SLCO3A1: variants seen among roughly 807,000 people sequenced by gnomAD.
SLCO3A1 encodes the protein solute carrier organic anion transporter family member 3A1.
SLCO3A1 carries 27 observed loss-of-function variants against 63.1 expected under a neutral mutation model. The ratio of observed to expected loss-of-function variants is 0.43; its 90% CI spans 0.32 to 0.59. SLCO3A1 has a LOEUF of 0.59. Among genes scored for constraint, SLCO3A1 ranks in the 20% least tolerant of loss-of-function variants. The probability of loss-of-function intolerance (pLI) is 0.09; values close to 1 mark genes in which losing one functional copy is unlikely to be tolerated. For missense variants in SLCO3A1, 773 were observed against 945.8 expected, an observed-to-expected ratio of 0.82 and a Z score of 2.40; for synonymous variants, 473 against 409.9, an observed-to-expected ratio of 1.15 and a Z score of -1.86.
At chr15:92,136,699 G>A (rs1489135054) in intron 7 of SLCO3A1, among the ~76,000 whole-genome samples, 1 of 152,156 alleles carries the variant, frequency 6.6e-6, no homozygotes, top group Non-Finnish European at 1.5e-5. Context: ...AGTATAAAAA[G>A]GAGGATATGA....
intron 1 of SLCO3A1, among the ~76,000 whole-genome samples, chr15:91,915,489 T>G (rs1271069825): frequency 6.6e-6 from 1 of 152,204 alleles, no homozygotes; most frequent in Non-Finnish European, 1.5e-5. Context: ...TTGTGCATTT[T>G]GCCACTTGGG....
intron 2 of SLCO3A1, among the ~76,000 whole-genome samples, chr15:91,971,393 T>TAAAAAAAAAAAAAAAAAAAAA (rs1900858430): frequency 5.4e-4 from 1 of 1,858 alleles, no homozygotes; most frequent in African/African-American, 1.7e-3. Context: ...AGACTCCATC[T>TAAAAAAAAAAAAAAAAAAAAA]CAAAAAAAAA....
At chr15:92,012,176 A>C (rs2046376625) in intron 2 of SLCO3A1, among the ~76,000 whole-genome samples, 1 of 152,214 alleles carries the variant, frequency 6.6e-6, no homozygotes, top group Non-Finnish European at 1.5e-5. Context: ...GCATGAGTGC[A>C]TCTTCTGCTG....
chr15:91,881,785 C>G (rs547196803), intron 1 of SLCO3A1, among the ~76,000 whole-genome samples: 3 of 152,296 alleles, frequency 2.0e-5, no homozygotes, highest in African/African-American at 7.2e-5. Flanking sequence ...CGAACACATA[C>G]TCCCCTGGCC....
intron 2 of SLCO3A1, among the ~76,000 whole-genome samples, chr15:91,961,580 C>T (rs1339786349): frequency 6.6e-6 from 1 of 152,160 alleles, no homozygotes; most frequent in East Asian, 1.9e-4. Context: ...TGTATTTTCC[C>T]CTACAGTGTA....
chr15:92,162,726 A>G (rs1191903383), intron 9 of SLCO3A1, 30 bp from the exon 10 acceptor site: 3 of 1,586,370 alleles, frequency 1.9e-6, no homozygotes, highest in African/African-American at 2.7e-5. Flanking sequence ...CACCAGATCC[A>G]GAACCTTAAC....
rs557133600 is a variant in SLCO3A1, at chr15:91,910,387, A to G, written c.181-5606A>G. On this transcript the variant is annotated intron_variant, in intron 1 of 9. Coordinates refer to ENST00000318445, the MANE Select transcript of SLCO3A1 (RefSeq NM_013272.4). ...TGTCCCCAGACTGTAAACTCCTACA[A>G]GGCAGCATGCTCTCTTAATCATGGT... 8.5e-5 allele frequency among the ~76,000 whole-genome samples: 13 copies of G among 152,318 alleles called. No homozygotes were observed. In the South Asian group the frequency reaches 2.5e-3, roughly 29 times the overall value.
At chr15:91,985,896 C>T (rs1384723409) in intron 2 of SLCO3A1, among the ~76,000 whole-genome samples, 1 of 152,164 alleles carries the variant, frequency 6.6e-6, no homozygotes, top group Non-Finnish European at 1.5e-5. Flanking sequence ...GCTTCCTAGT[C>T]TACGTGTAGG....
intron 9 of SLCO3A1, chr15:92,161,609 G>C (rs2048437706): frequency 6.6e-6 from 1 of 152,180 alleles, no homozygotes; most frequent in African/African-American, 2.4e-5. Flanking sequence ...TATATATGCA[G>C]ATATTTTCCA....
At chr15:92,108,853 C>T (rs1273703869) in intron 4 of SLCO3A1, among the ~76,000 whole-genome samples, 1 of 152,100 alleles carries the variant, frequency 6.6e-6, no homozygotes, top group African/African-American at 2.4e-5. Context: ...GTACCTGCCC[C>T]TGTGTACCCG....
intron 1 of SLCO3A1, among the ~76,000 whole-genome samples, chr15:91,913,550 G>T (rs1341816226): frequency 6.6e-6 from 1 of 152,176 alleles, no homozygotes; most frequent in African/African-American, 2.4e-5. Flanking sequence ...GTTTAAATAT[G>T]TGGGTTTGAA....
At chr15:91,975,034 T>G (rs1006651180) in intron 2 of SLCO3A1, among the ~76,000 whole-genome samples, 2 of 152,164 alleles carry the variant, frequency 1.3e-5, no homozygotes, top group African/African-American at 4.8e-5. Context: ...ATGAGTAGAA[T>G]AAGTGTTCCT....
intron 2 of SLCO3A1, among the ~76,000 whole-genome samples, chr15:92,046,587 C>G (rs1438160412): frequency 6.6e-6 from 1 of 152,040 alleles, no homozygotes; most frequent in Non-Finnish European, 1.5e-5. Flanking sequence ...GCACATGTGT[C>G]AGAATCTGTA....
intron 4 of SLCO3A1, among the ~76,000 whole-genome samples, chr15:92,109,421 A>G (rs2047702929): frequency 6.6e-6 from 1 of 152,228 alleles, no homozygotes; most frequent in South Asian, 2.1e-4. Flanking sequence ...CCCTAAAAAG[A>G]TGGGTCTTCC....
At chr15:92,003,700 A>C (rs1488769307) in intron 2 of SLCO3A1, among the ~76,000 whole-genome samples, 1 of 152,174 alleles carries the variant, frequency 6.6e-6, no homozygotes, top group Non-Finnish European at 1.5e-5. Context: ...GGCTTTCGTG[A>C]GTGATACAGT....
intron 2 of SLCO3A1, among the ~76,000 whole-genome samples, chr15:92,069,096 G>GCCCCCCCCCCCCC (rs56003783): frequency 8.6e-6 from 1 of 115,740 alleles, no homozygotes; most frequent in African/African-American, 3.4e-5. Context: ...GGCTCCCCCC[G>GCCCCCCCCCCCCC]CCCCCCCCCC....
intron 1 of SLCO3A1, chr15:91,908,773 A>G (rs1469519285): frequency 7.0e-6 from 1 of 143,426 alleles, no homozygotes; most frequent in Non-Finnish European, 1.6e-5. Flanking sequence ...AAAAAAAAAA[A>G]AACTTGGCCG....
chr15:92,157,492 A>AT (rs201261449), intron 9 of SLCO3A1, among the ~76,000 whole-genome samples: 9,862 of 141,318 alleles, frequency 0.07, 361 homozygotes, highest in Non-Finnish European at 0.086. Flanking sequence ...ATGTGGAGAA[A>AT]TTTTTTTTTT....
intron 2 of SLCO3A1, among the ~76,000 whole-genome samples, chr15:91,986,739 G>A (rs1202028205): frequency 1.3e-5 from 2 of 152,132 alleles, no homozygotes; most frequent in African/African-American, 4.8e-5. Context: ...GTTAATTTGG[G>A]TTTGTACTCT....
Sources: allele counts gnomAD v4.1 joint callset (sites outside exome capture counted in the v4.1 genomes callset), GRCh38; gene constraint gnomAD v4.1.1; transcripts MANE v1.5; gene names NCBI Gene and HGNC (gene_info 2026-07-23, HGNC 2026-07-21).